Variants in HM13 observed in about 807,000 individuals in gnomAD.
HM13 encodes signal peptide peptidase.
HM13 carries 18 observed loss-of-function variants against 50.0 expected under a neutral mutation model. The observed-to-expected ratio is 0.36, with a 90% CI of 0.25 to 0.53. The LOEUF (loss-of-function observed/expected upper bound fraction) is 0.53. Ranked by LOEUF, HM13 falls within the 20% of genes least tolerant of loss-of-function variation. The pLI, the probability that HM13 is intolerant of heterozygous loss-of-function variation, is 0.90. For missense variants in HM13, 393 were observed against 552.4 expected, an observed-to-expected ratio of 0.71 and a Z score of 2.89; for synonymous variants, 197 against 232.6, an observed-to-expected ratio of 0.85 and a Z score of 1.39.
In HM13 at chr20:31,550,017, C is replaced by G. The variant is rs374464375; in HGVS notation, c.667-47C>G. On this transcript the variant is annotated intron_variant, in intron 6 of 12. Coordinates refer to ENST00000398174, the MANE Select transcript of HM13 (RefSeq NM_178581.3). ...GCCCAGGGACAGCCATTCTTCCCCC[C>G]ACAGCCCCTCACTTCCCTTCATACT... 16 of 1,408,776 alleles carry G rather than the reference C, an allele frequency of 1.1e-5. No homozygotes were observed. The East Asian group carries it at 3.4e-4, about 30-fold the overall frequency. 87.3% of individuals were successfully genotyped at this position (1,408,776 alleles called of 1,614,324 possible).
intron 3 of HM13, chr20:31,540,604 T>A (rs1239540065): frequency 6.6e-6 from 1 of 152,166 alleles, no homozygotes; most frequent in Non-Finnish European, 1.5e-5. Context: ...TTTTGAACCT[T>A]TATCATCTTG....
intron 3 of HM13, among the ~76,000 whole-genome samples, chr20:31,544,418 G>A (rs1390704640): frequency 1.3e-5 from 2 of 152,212 alleles, no homozygotes; most frequent in Non-Finnish European, 2.9e-5. Context: ...CCTGCCCAGG[G>A]GCTATGATTC....
chr20:31,523,819 CCT>C (rs953781849), intron 1 of HM13, among the ~76,000 whole-genome samples: 1 of 152,138 alleles, frequency 6.6e-6, no homozygotes. Context: ...GGAAACTGGG[CCT>C]CTCATGTGGG....
chr20:31,526,032 G>A (rs972808563), intron 1 of HM13, among the ~76,000 whole-genome samples: 17 of 152,026 alleles, frequency 1.1e-4, no homozygotes, highest in Non-Finnish European at 1.6e-4. Context: ...AGGCTGAGGC[G>A]GGAGAATTGA....
rs542483221 is a variant in HM13 at position 31,565,361 on chromosome 20, C to T, written c.949-849C>T. 2.0e-5 allele frequency among the ~76,000 whole-genome samples: 3 copies of T among 151,688 alleles called. No individual in the cohort carries two copies. The East Asian group carries it at 5.8e-4, about 29-fold the overall frequency. ...AGGCGTGGTGGCAGGCACCTGTAGT[C>T]CCAGCTACTCAGGAGGCTGAGGCAG... On this transcript the variant is annotated intron_variant, in intron 10 of 12. Coordinates refer to ENST00000398174, the MANE Select transcript of HM13 (RefSeq NM_178581.3).
chr20:31,567,032 C>T (rs1458735166), intron 11 of HM13, among the ~76,000 whole-genome samples: 1 of 152,140 alleles, frequency 6.6e-6, no homozygotes, highest in Non-Finnish European at 1.5e-5. Flanking sequence ...AGAGCGCTTG[C>T]CAGGGCCTCC....
At chr20:31,533,470 A>G (rs1248834427) in intron 2 of HM13, among the ~76,000 whole-genome samples, 3 of 152,200 alleles carry the variant, frequency 2.0e-5, no homozygotes, top group Non-Finnish European at 4.4e-5. Context: ...ATGCCACTGC[A>G]CTCCAGCCTG....
At chr20:31,530,976 C>G (rs1277045550) in intron 2 of HM13, among the ~76,000 whole-genome samples, 1 of 152,184 alleles carries the variant, frequency 6.6e-6, no homozygotes, top group Admixed American at 6.5e-5. Context: ...TGCTGGCCTA[C>G]CCAGGCGCTC....
chr20:31,519,280 T>A (rs1300220296), intron 1 of HM13, among the ~76,000 whole-genome samples: 1 of 152,226 alleles, frequency 6.6e-6, no homozygotes, highest in Non-Finnish European at 1.5e-5. Flanking sequence ...TTTTGTATTT[T>A]TGCAGAGATG....
rs1309710976 is a variant in HM13, at chr20:31,548,975, G to C, written c.455-54G>C. 2.7e-6 allele frequency: 4 copies of C among 1,477,648 alleles called. No individual in the cohort carries two copies. The Admixed American group carries it at 6.7e-5, about 25-fold the overall frequency. 91.5% of individuals were successfully genotyped at this position (1,477,648 alleles called of 1,614,324 possible). Reference sequence around the variant, plus strand: ...CCCTCCTCCGTCCAGGGGCTGACAGGTGGGAGGGGTAGCCCTGCCTCAGGG... The same window carrying C: ...CCCTCCTCCGTCCAGGGGCTGACAGCTGGGAGGGGTAGCCCTGCCTCAGGG... On this transcript the variant is annotated intron_variant, in intron 4 of 12. Transcript: ENST00000398174.
At chr20:31,516,269 A>G (rs1981770596) in intron 1 of HM13, among the ~76,000 whole-genome samples, 1 of 152,182 alleles carries the variant, frequency 6.6e-6, no homozygotes, top group Non-Finnish European at 1.5e-5. Context: ...GCTGCTCTCC[A>G]AACTGAGTAA....
At chr20:31,518,831 G>A (rs1433885710) in intron 1 of HM13, among the ~76,000 whole-genome samples, 1 of 151,932 alleles carries the variant, frequency 6.6e-6, no homozygotes, top group Admixed American at 6.6e-5. Flanking sequence ...GGGCAACAGT[G>A]AGACCCTGTC....
chr20:31,539,226 C>T (rs919041203), intron 3 of HM13: 2 of 985,504 alleles, frequency 2.0e-6, no homozygotes, highest in Non-Finnish European at 2.4e-6. Flanking sequence ...TTGCCCTGCT[C>T]ACCAAATGGG....
intron 7 of HM13, among the ~76,000 whole-genome samples, chr20:31,551,953 G>C (rs1984055327): frequency 6.6e-6 from 1 of 152,178 alleles, no homozygotes; most frequent in African/African-American, 2.4e-5. Flanking sequence ...CCTGGCCCAT[G>C]AGCCAGACAC....
intron 4 of HM13, among the ~76,000 whole-genome samples, chr20:31,546,402 G>A (rs1983721870): frequency 6.6e-6 from 1 of 151,896 alleles, no homozygotes; most frequent in Non-Finnish European, 1.5e-5. Flanking sequence ...AATTTTATGT[G>A]ATTGCTTTGT....
chr20:31,546,777 G>C (rs899413517), intron 4 of HM13, among the ~76,000 whole-genome samples: 10 of 148,580 alleles, frequency 6.7e-5, no homozygotes, highest in Non-Finnish European at 1.3e-4. Context: ...AAAAGACTAA[G>C]CTTGGCCAGG....
At chr20:31,521,672 T>TGAGCCAA in intron 1 of HM13, among the ~76,000 whole-genome samples, 1 of 144,518 alleles carries the variant, frequency 6.9e-6, no homozygotes, top group South Asian at 2.1e-4. Context: ...GAGGTTGCAG[T>TGAGCCAA]GAGCCAAGAT....
rs113025319 is a variant in HM13 at position 31,534,526 on chromosome 20, G to A, written c.283-3653G>A. Among the ~76,000 whole-genome samples the A allele has an allele frequency of 7.4e-3, 1,127 of 152,300 alleles. 14 individuals carry two copies. The highest frequency in any genetic ancestry group is 0.026 in the African/African-American group (1,075 of 41,580). On this transcript the variant is annotated intron_variant, in intron 2 of 12. Transcript: ENST00000398174. ...AGGCTGGGCACCGTGGCTCACGCCT[G>A]TAATCCCAGCACTTTGGGAGGCCAA...
chr20:31,538,160 C>T lies in HM13; in HGVS notation c.283-19C>T. ...CTGGCAACCCTAACTTCCTGTTTCT[C>T]TTTGTATTTCTGCCTCAGATATTCT... On this transcript the variant is annotated intron_variant, in intron 2 of 12. Transcript: ENST00000398174. 2 of 1,613,040 alleles carry T rather than the reference C, an allele frequency of 1.2e-6. No homozygotes were observed. The highest frequency in any genetic ancestry group is 1.7e-4 in the Middle Eastern group (1 of 6,052).
Sources: allele counts gnomAD v4.1 joint callset (sites outside exome capture counted in the v4.1 genomes callset), GRCh38; gene constraint gnomAD v4.1.1; transcripts MANE v1.5; gene names NCBI Gene and HGNC (gene_info 2026-07-23, HGNC 2026-07-21).